Variants in PEPD observed in about 807,000 individuals in gnomAD.
The protein encoded by PEPD is peptidase D, also known as xaa-Pro dipeptidase.
In PEPD, 53 loss-of-function variants were observed where a neutral mutation model predicts 60.7. That is an observed-to-expected ratio of 0.87 (90% CI 0.70 to 1.10). PEPD has a LOEUF of 1.10. PEPD is among the 50% of genes least tolerant of loss of function. The pLI is 0.00. For missense variants in PEPD, 711 were observed against 711.9 expected, an observed-to-expected ratio of 1.00 and a Z score of 0.01; for synonymous variants, 267 against 284.1, an observed-to-expected ratio of 0.94 and a Z score of 0.60.
chr19:33,434,967 A>G (rs1969346667), intron 9 of PEPD, among the ~76,000 whole-genome samples: 2 of 152,134 alleles, frequency 1.3e-5, no homozygotes, highest in African/African-American at 4.8e-5. Context: ...CCTGGAGGGA[A>G]GGCAGCTGGG....
chr19:33,504,803 G>C (rs1180748598), intron 3 of PEPD, among the ~76,000 whole-genome samples: 1 of 152,034 alleles, frequency 6.6e-6, no homozygotes, highest in Non-Finnish European at 1.5e-5. Flanking sequence ...GGGAGGATGG[G>C]TCAGCAGAGA....
In PEPD at chr19:33,409,165, T is replaced by A. The variant is rs569148987; in HGVS notation, c.818+2507A>T. Among the ~76,000 whole-genome samples, 6 of 152,306 alleles carry A rather than the reference T, an allele frequency of 3.9e-5. No homozygotes were observed. In the East Asian group the frequency reaches 1.2e-3, roughly 29 times the overall value. On this transcript the variant is annotated intron_variant, in intron 11 of 14. Transcript: ENST00000244137. ...TCTCCGGGGCAGATAAAGAGGGTCATAAAGGAGCAGTCACTTCTTCTGGGG... is the reference window on the plus strand; with the variant it reads ...TCTCCGGGGCAGATAAAGAGGGTCAAAAAGGAGCAGTCACTTCTTCTGGGG...
chr19:33,505,765 ATTATTT>A (rs1970788789), intron 3 of PEPD, among the ~76,000 whole-genome samples: 1 of 146,624 alleles, frequency 6.8e-6, no homozygotes, highest in African/African-American at 2.5e-5. Context: ...CACCCTACAC[ATTATTT>A]ACTCACACAC....
intron 9 of PEPD, among the ~76,000 whole-genome samples, chr19:33,458,036 G>A (rs998801400): frequency 1.3e-5 from 2 of 152,128 alleles, no homozygotes; most frequent in Non-Finnish European, 2.9e-5. Flanking sequence ...GGTACATACC[G>A]TGTATGTGAG....
At chr19:33,413,298 C>A (rs983679517) in intron 10 of PEPD, among the ~76,000 whole-genome samples, 1 of 152,234 alleles carries the variant, frequency 6.6e-6, no homozygotes, top group Non-Finnish European at 1.5e-5. Context: ...CTGTGCTGAC[C>A]AGCTGGGGAC....
chr19:33,458,694 T>G (rs1290255493), intron 9 of PEPD, among the ~76,000 whole-genome samples: 2 of 85,686 alleles, frequency 2.3e-5, no homozygotes, highest in Non-Finnish European at 5.1e-5. Flanking sequence ...CTGTGGTGTG[T>G]GGTGTGTGGT....
intron 11 of PEPD, among the ~76,000 whole-genome samples, chr19:33,403,093 C>T (rs554269863): frequency 2.0e-5 from 3 of 152,286 alleles, no homozygotes; most frequent in East Asian, 1.9e-4. Flanking sequence ...CAGGACTCCC[C>T]GGAAGCAGCC....
intron 5 of PEPD, among the ~76,000 whole-genome samples, chr19:33,490,890 T>C (rs1479798558): frequency 6.6e-6 from 1 of 151,960 alleles, no homozygotes; most frequent in Non-Finnish European, 1.5e-5. Flanking sequence ...CTCGAACTCT[T>C]GACCTCAAGT....
intron 4 of PEPD, among the ~76,000 whole-genome samples, chr19:33,495,171 A>C (rs1970578223): frequency 6.6e-6 from 1 of 152,150 alleles, no homozygotes; most frequent in Non-Finnish European, 1.5e-5. Flanking sequence ...AGCAATTATA[A>C]ATAACGCTGT....
At chr19:33,415,244 G>A (rs1184342975) in intron 9 of PEPD, among the ~76,000 whole-genome samples, 3 of 152,240 alleles carry the variant, frequency 2.0e-5, no homozygotes, top group African/African-American at 4.8e-5. Context: ...ACGTGATGGC[G>A]ACAGCGGACC....
intron 7 of PEPD, among the ~76,000 whole-genome samples, chr19:33,477,543 C>T (rs946279653): frequency 1.3e-5 from 2 of 152,194 alleles, no homozygotes; most frequent in African/African-American, 4.8e-5. Context: ...ACAGAGGTGG[C>T]GCCCAGCATA....
chr19:33,413,589 G>T lies in PEPD; in HGVS notation c.726C>A (p.Thr242=). Residue 242 remains threonine, a synonymous_variant, in exon 10 of 15, where the codon ACC becomes ACA. Coordinates refer to ENST00000244137, the MANE Select transcript of PEPD (RefSeq NM_000285.4). Reference sequence around the variant, plus strand: ...GCCCCGCTTACCTGCCGCAGATGCAGGTGTAGGAGCTGTGGCGCATGCCGC... The same window carrying T: ...GCCCCGCTTACCTGCCGCAGATGCATGTGTAGGAGCTGTGGCGCATGCCGC... ...SRGGMRHSSY[T]CICGSGENSA... The T allele has an allele frequency of 6.3e-7, 1 of 1,579,752 alleles. No individual in the cohort carries two copies. The highest frequency in any genetic ancestry group is 1.8e-5 in the Admixed American group (1 of 56,054).
intron 11 of PEPD, among the ~76,000 whole-genome samples, chr19:33,407,125 G>T (rs564988748): frequency 1.3e-5 from 2 of 152,200 alleles, no homozygotes; most frequent in Non-Finnish European, 2.9e-5. Context: ...CTCTGCGAGG[G>T]GCCACAGTAG....
chr19:33,471,089 A>C (rs766610009), intron 7 of PEPD, among the ~76,000 whole-genome samples: 15 of 152,200 alleles, frequency 9.9e-5, no homozygotes, highest in Non-Finnish European at 1.6e-4. Flanking sequence ...CCAGGGACCT[A>C]CTTGCTTTTC....
intron 4 of PEPD, among the ~76,000 whole-genome samples, chr19:33,493,793 T>C (rs1970544969): frequency 6.6e-6 from 1 of 151,328 alleles, no homozygotes; most frequent in Non-Finnish European, 1.5e-5. Flanking sequence ...CCCAAGGGAG[T>C]TGGCCTTCCC....
chr19:33,467,242 C>G (rs952096780), intron 7 of PEPD, among the ~76,000 whole-genome samples: 2 of 148,228 alleles, frequency 1.3e-5, no homozygotes, highest in African/African-American at 2.4e-5. Flanking sequence ...GAGGGAGGCC[C>G]TGGGCTTGTG....
chr19:33,478,841 T>G (rs577788767), intron 6 of PEPD, among the ~76,000 whole-genome samples: 1 of 152,152 alleles, frequency 6.6e-6, no homozygotes, highest in African/African-American at 2.4e-5. Context: ...TCAAATAAAA[T>G]GAAAAGGTAC....
At chr19:33,476,039 T>C (rs1396446747) in intron 7 of PEPD, among the ~76,000 whole-genome samples, 1 of 152,170 alleles carries the variant, frequency 6.6e-6, no homozygotes, top group Non-Finnish European at 1.5e-5. Context: ...TTTTAAAATT[T>C]TGTTTTTGTA....
intron 6 of PEPD, among the ~76,000 whole-genome samples, chr19:33,486,300 C>G (rs28483178): frequency 0.3 from 44,550 of 148,034 alleles, 7,199 homozygotes; most frequent in African/African-American, 0.39. Context: ...AATGAGCACC[C>G]GACCCCATGC....
Sources: gnomAD v4.1 joint callset for allele counts (sites outside exome capture counted in the v4.1 genomes callset) on GRCh38, gnomAD v4.1.1 for gene constraint, MANE v1.5 for transcripts, NCBI Gene and HGNC (gene_info 2026-07-23, HGNC 2026-07-21) for gene names.